CDH2: variants seen among roughly 807,000 people sequenced by gnomAD.
CDH2 encodes the protein cadherin 2.
CDH2 carries 17 observed loss-of-function variants against 92.0 expected under a neutral mutation model. The ratio of observed to expected loss-of-function variants is 0.18; its 90% CI spans 0.13 to 0.28. The LOEUF (loss-of-function observed/expected upper bound fraction) is 0.28. Among genes scored for constraint, CDH2 ranks in the 10% least tolerant of loss-of-function variants. The pLI is 1.00. For synonymous variants in CDH2, 419 were observed against 415.9 expected (o/e 1.01, Z -0.09); for missense variants, 862 against 1,133.1 (o/e 0.76, Z 3.44).
intron 4 of CDH2, among the ~76,000 whole-genome samples, chr18:28,010,672 T>C (rs1011190845): frequency 4.0e-5 from 6 of 151,706 alleles, no homozygotes; most frequent in Admixed American, 1.3e-4. Context: ...ATCTAGGTTT[T>C]TTTTTTTTGC....
In CDH2 at chr18:28,015,777, C is replaced by T. The variant is rs2013227849; in HGVS notation, c.173-1868G>A. Among the ~76,000 whole-genome samples the T allele has an allele frequency of 2.6e-5, 4 of 152,104 alleles. No homozygotes were observed. In the South Asian group the frequency reaches 8.3e-4, roughly 32 times the overall value. The stretch of plus-strand genomic sequence containing the variant: ...TCCCAGTTCCTGGTCATGGCATGCC[C>T]ACTGCTAGACTAGACACCTGCTGTG... On this transcript the variant is annotated intron_variant, in intron 2 of 15. Transcript: ENST00000269141.
intron 2 of CDH2, among the ~76,000 whole-genome samples, chr18:28,070,624 C>T (rs1262539759): frequency 1.3e-5 from 2 of 152,192 alleles, no homozygotes; most frequent in Non-Finnish European, 2.9e-5. Flanking sequence ...CTAAACCAGA[C>T]GACAAAGCCT....
At chr18:28,118,932 A>G (rs2015541106) in intron 2 of CDH2, among the ~76,000 whole-genome samples, 1 of 152,044 alleles carries the variant, frequency 6.6e-6, no homozygotes, top group Admixed American at 6.6e-5. Flanking sequence ...ATCCTGAAAA[A>G]TCTCTAATTA....
intron 14 of CDH2, among the ~76,000 whole-genome samples, chr18:27,964,194 A>T (rs1429557080): frequency 6.6e-6 from 1 of 152,204 alleles, no homozygotes; most frequent in Non-Finnish European, 1.5e-5. Flanking sequence ...TAGTGGTGGT[A>T]GACCAGAGAG....
intron 2 of CDH2, among the ~76,000 whole-genome samples, chr18:28,127,192 T>G (rs2015691634): frequency 6.6e-6 from 1 of 152,212 alleles, no homozygotes; most frequent in African/African-American, 2.4e-5. Flanking sequence ...TGAAATCACT[T>G]TCTTTTGTAG....
intron 2 of CDH2, among the ~76,000 whole-genome samples, chr18:28,075,630 T>C (rs1402900235): frequency 6.6e-6 from 1 of 152,172 alleles, no homozygotes; most frequent in Admixed American, 6.5e-5. Context: ...AAGGCTGGTA[T>C]CCCAGAAAGC....
At chr18:28,144,866 CAGTT>C (rs2016010995) in intron 2 of CDH2, among the ~76,000 whole-genome samples, 2 of 151,976 alleles carry the variant, frequency 1.3e-5, no homozygotes, top group Admixed American at 1.3e-4. Flanking sequence ...GGAAGCTGTA[CAGTT>C]AGTTCTTTGA....
chr18:28,160,499 G>A (rs554587965), intron 1 of CDH2, among the ~76,000 whole-genome samples: 9 of 152,174 alleles, frequency 5.9e-5, no homozygotes, highest in Non-Finnish European at 1.5e-5. Context: ...TGGGCAAGGT[G>A]GGGACAGCAT....
Position 28,043,495 on chromosome 18 carries a change from A to ATAT in CDH2, c.173-29587_173-29586insATA, listed in dbSNP as rs1567976503. Among the ~76,000 whole-genome samples the ATAT allele has an allele frequency of 7.4e-3, 639 of 86,856 alleles. 7 individuals are homozygous for ATAT. Among genetic ancestry groups the ATAT allele is most frequent in the Non-Finnish European group, 0.012 (513 of 43,564 alleles). The allele number at this position is 86,856 out of a possible 152,430, so 57.0% of individuals were successfully genotyped here. A position where few individuals can be genotyped will look rare whatever the true frequency, so the allele number is the denominator to read the frequency against. Reference sequence around the variant, plus strand: ...ATATATATATATATATATATATATAAATATATATATATATATATATAAACA... The same window carrying ATAT: ...ATATATATATATATATATATATATAATATATATATATATATATATATATAAACA... On this transcript the variant is annotated intron_variant, in intron 2 of 15. Coordinates refer to ENST00000269141, the MANE Select transcript of CDH2 (RefSeq NM_001792.5).
At chr18:28,090,131 A>C (rs903364698) in intron 2 of CDH2, among the ~76,000 whole-genome samples, 3 of 152,224 alleles carry the variant, frequency 2.0e-5, no homozygotes, top group Admixed American at 2.0e-4. Context: ...TTTAATTTAT[A>C]AACAAAACAG....
rs1326078097 is a variant in CDH2 at position 28,047,182 on chromosome 18, T to C, written c.173-33273A>G. 2.0e-5 allele frequency among the ~76,000 whole-genome samples: 3 copies of C among 152,106 alleles called. No homozygotes were observed. In the East Asian group the frequency reaches 5.8e-4, roughly 29 times the overall value. ...AGATTTTTAGCTGTAGAGAAGCAACTAAGTTACAAAAAAGCACCAAGAGAT... is the reference window on the plus strand; with the variant it reads ...AGATTTTTAGCTGTAGAGAAGCAACCAAGTTACAAAAAAGCACCAAGAGAT... On this transcript the variant is annotated intron_variant, in intron 2 of 15. Coordinates refer to ENST00000269141, the MANE Select transcript of CDH2 (RefSeq NM_001792.5).
At chr18:27,987,293 T>C (rs934490425) in intron 11 of CDH2, among the ~76,000 whole-genome samples, 7 of 152,228 alleles carry the variant, frequency 4.6e-5, no homozygotes, top group Non-Finnish European at 7.3e-5. Context: ...TGCTTTGATG[T>C]ACAATGGCAA....
At chr18:28,161,633 A>G (rs2016308170) in intron 1 of CDH2, among the ~76,000 whole-genome samples, 1 of 151,864 alleles carries the variant, frequency 6.6e-6, no homozygotes, top group Admixed American at 6.6e-5. Context: ...GACTTCAAGA[A>G]GTTGGGAATA....
At chr18:27,954,430 T>C (rs1598984167) in intron 15 of CDH2, 1 of 152,228 alleles carries the variant, frequency 6.6e-6, no homozygotes, top group South Asian at 2.1e-4. Context: ...GCCAATGCAA[T>C]GTAAGTAGCT....
At chr18:28,070,967 T>G (rs1209164478) in intron 2 of CDH2, among the ~76,000 whole-genome samples, 2 of 152,138 alleles carry the variant, frequency 1.3e-5, no homozygotes, top group African/African-American at 4.8e-5. Flanking sequence ...GCCCCAAGCA[T>G]TGATATGATT....
chr18:28,119,387 G>A (rs1220034), intron 2 of CDH2, among the ~76,000 whole-genome samples: 33,012 of 151,928 alleles, frequency 0.22, 4,146 homozygotes, highest in East Asian at 0.33. Flanking sequence ...GAAGCAATCA[G>A]ACACAGACCA....
At chr18:27,960,019 A>AACACACACACACACACACACACAC (rs5823570) in intron 15 of CDH2, among the ~76,000 whole-genome samples, 31 of 149,614 alleles carry the variant, frequency 2.1e-4, no homozygotes, top group African/African-American at 6.4e-4. Context: ...TGTCTCTTAA[A>AACACACACACACACACACACACAC]ACACACACAC....
chr18:28,131,928 T>C (rs765842026), intron 2 of CDH2, among the ~76,000 whole-genome samples: 2 of 152,190 alleles, frequency 1.3e-5, no homozygotes, highest in Non-Finnish European at 2.9e-5. Flanking sequence ...TCATTTAATC[T>C]ATCAATGAGT....
chr18:28,091,785 C>A (rs971081886), intron 2 of CDH2, among the ~76,000 whole-genome samples: 1 of 152,094 alleles, frequency 6.6e-6, no homozygotes, highest in Non-Finnish European at 1.5e-5. Flanking sequence ...ATTAACTGAG[C>A]TATTTTAATC....
Sources: gnomAD v4.1 joint callset for allele counts (sites outside exome capture counted in the v4.1 genomes callset) on GRCh38, gnomAD v4.1.1 for gene constraint, MANE v1.5 for transcripts, NCBI Gene and HGNC (gene_info 2026-07-23, HGNC 2026-07-21) for gene names.